The following AK5 variants were observed in gnomAD, a reference collection of about 807,000 sequenced individuals.
AK5 encodes adenylate kinase isoenzyme 5.
In AK5, 27 loss-of-function variants were observed where a neutral mutation model predicts 69.5. That is an observed-to-expected ratio of 0.39 (90% confidence interval 0.29 to 0.54). The LOEUF (loss-of-function observed/expected upper bound fraction) is 0.54, where lower values mean the gene tolerates loss of function less well. Ranked by LOEUF, AK5 falls within the 20% of genes least tolerant of loss-of-function variation. The pLI, the probability that AK5 is intolerant of heterozygous loss-of-function variation, is 0.71. For synonymous variants in AK5, 260 were observed against 244.4 expected (o/e 1.06, Z -0.60); for missense variants, 531 against 700.4 (o/e 0.76, Z 2.73).
intron 5 of AK5, among the ~76,000 whole-genome samples, chr1:77,299,718 T>C (rs1057015266): frequency 2.0e-5 from 3 of 152,180 alleles, no homozygotes; most frequent in Non-Finnish European, 4.4e-5. Flanking sequence ...CCATTCCATG[T>C]GATTCTTGAT....
At chr1:77,499,715 G>T (rs1208900986) in intron 10 of AK5, among the ~76,000 whole-genome samples, 2 of 152,088 alleles carry the variant, frequency 1.3e-5, no homozygotes, top group East Asian at 3.9e-4. Context: ...ATGTTCAGCA[G>T]TGAGAAACCT....
chr1:77,409,881 A>G (rs1649918982), intron 6 of AK5, among the ~76,000 whole-genome samples: 1 of 152,174 alleles, frequency 6.6e-6, no homozygotes, highest in African/African-American at 2.4e-5. Flanking sequence ...TGGGTTTTAC[A>G]TCTAAGACTT....
intron 6 of AK5, among the ~76,000 whole-genome samples, chr1:77,402,352 T>A (rs933400840): frequency 2.0e-5 from 3 of 152,054 alleles, no homozygotes; most frequent in African/African-American, 4.8e-5. Context: ...CGTGCAGGTT[T>A]GTTACATATG....
chr1:77,320,806 G>A (rs575627368), intron 5 of AK5, among the ~76,000 whole-genome samples: 1 of 152,274 alleles, frequency 6.6e-6, no homozygotes, highest in South Asian at 2.1e-4. Context: ...TGATGTTACT[G>A]ACATTAAAGT....
At chr1:77,282,430 C>T (rs1004814407) in intron 1 of AK5, 57 bp downstream of exon 1, 2 of 1,514,572 alleles carry the variant, frequency 1.3e-6, no homozygotes, top group South Asian at 1.3e-5. Context: ...CTCAGGGGTT[C>T]GGGTTGAGGC....
chr1:77,544,312 A>C (rs1659428430), intron 13 of AK5, among the ~76,000 whole-genome samples: 2 of 152,214 alleles, frequency 1.3e-5, no homozygotes. Context: ...TGTAGGCTTT[A>C]TAAATGCTGT....
chr1:77,545,057 C>T (rs1213655489), intron 13 of AK5, among the ~76,000 whole-genome samples: 2 of 152,120 alleles, frequency 1.3e-5, no homozygotes, highest in Non-Finnish European at 2.9e-5. Context: ...TATGAGACTG[C>T]CATTGTATAA....
chr1:77,320,171 G>A (rs1177502), intron 5 of AK5, among the ~76,000 whole-genome samples: 33,236 of 151,882 alleles, frequency 0.22, 3,789 homozygotes, highest in African/African-American at 0.25. Flanking sequence ...GAAAACCATC[G>A]GGTCTCATGA....
intron 6 of AK5, among the ~76,000 whole-genome samples, chr1:77,367,823 A>ATATATTATATGTTATATATAT: frequency 5.8e-5 from 2 of 34,422 alleles, no homozygotes; most frequent in Admixed American, 5.8e-4. Context: ...TATATATATT[A>ATATATTATATGTTATATATAT]TATATAATAT....
At chr1:77,520,862 G>T (rs912781423) in intron 11 of AK5, among the ~76,000 whole-genome samples, 8 of 152,232 alleles carry the variant, frequency 5.3e-5, no homozygotes, top group African/African-American at 1.4e-4. Context: ...AACCACACTT[G>T]CAATGGCCGC....
intron 13 of AK5, among the ~76,000 whole-genome samples, chr1:77,556,299 A>G (rs1158367507): frequency 6.6e-6 from 1 of 152,126 alleles, no homozygotes; most frequent in Non-Finnish European, 1.5e-5. Context: ...TTTCGTGATA[A>G]TCATTTCCTT....
In AK5 at chr1:77,331,614, C is replaced by T. The variant is rs12030818; in HGVS notation, c.700-8763C>T. Among the ~76,000 whole-genome samples the T allele has an allele frequency of 2.8e-3, 431 of 152,200 alleles. 15 individuals are homozygous for T. In the East Asian group the frequency reaches 0.078, roughly 28 times the overall value. On this transcript the variant is annotated intron_variant, in intron 5 of 13. Transcript: ENST00000354567. ...AATCCTTTTTATATATTGACAGATT[C>T]ATTTGCTATATTATTAGAATTTTTG... is the stretch of plus-strand genomic sequence containing the variant.
chr1:77,340,635 T>C, intron 6 of AK5, 67 bp downstream of exon 6: 1 of 1,460,522 alleles, frequency 6.8e-7, no homozygotes, highest in East Asian at 2.3e-5. Context: ...TTAGCCCATG[T>C]TCTCATGTAG....
chr1:77,364,892 G>C (rs1646924501), intron 6 of AK5, among the ~76,000 whole-genome samples: 1 of 152,122 alleles, frequency 6.6e-6, no homozygotes, highest in South Asian at 2.1e-4. Flanking sequence ...GCCCAGTAGT[G>C]GGACTGCTGG....
At chr1:77,518,864 C>A in intron 11 of AK5, 137 bp downstream of exon 11, 2 of 852,940 alleles carry the variant, frequency 2.3e-6, no homozygotes, top group Non-Finnish European at 3.6e-6. Context: ...TCCTTTGCAG[C>A]AATCCAGATG....
chr1:77,544,670 T>A (rs1659452900), intron 13 of AK5, among the ~76,000 whole-genome samples: 1 of 152,074 alleles, frequency 6.6e-6, no homozygotes, highest in Non-Finnish European at 1.5e-5. Context: ...CACTGGAAGG[T>A]CTTCAGGGGC....
Position 77,339,256 on chromosome 1 carries a change from G to A in AK5, c.700-1121G>A, listed in dbSNP as rs1463145409. 2.0e-5 allele frequency among the ~76,000 whole-genome samples: 3 copies of A among 152,318 alleles called. No homozygotes were observed. The East Asian group carries it at 5.8e-4, about 29-fold the overall frequency. ...ATGTGAAGAGGCAGTAAAACACTTT[G>A]GAGATTATTGCTTCAAACCACTATG... On this transcript the variant is annotated intron_variant, in intron 5 of 13. Transcript: ENST00000354567.
intron 8 of AK5, among the ~76,000 whole-genome samples, chr1:77,421,720 C>T (rs892672747): frequency 7.2e-5 from 11 of 152,176 alleles, no homozygotes; most frequent in African/African-American, 2.7e-4. Flanking sequence ...CCACAGGCTG[C>T]AGCACCTGCC....
Position 77,535,979 on chromosome 1 carries a change from T to C in AK5, c.1561T>C (p.Tyr521His). 6.2e-7 allele frequency: 1 copy of C among 1,613,222 alleles called. No homozygotes were observed. Among genetic ancestry groups the C allele is most frequent in the Non-Finnish European group, 8.5e-7 (1 of 1,179,862 alleles). ...TKTIAKRLEA[Y>H]YRASIPVIAY... is the part of the protein sequence containing the mutation. ...GACCATCGCCAAGCGCCTAGAAGCC[T>C]ACTACCGAGCGTCCATCCCCGTGAT... Residue 521 changes from tyrosine (Y) to histidine (H), a missense_variant, in exon 13 of 14, where the codon TAC (tyrosine) becomes CAC (histidine). Tyr to His is a moderately conservative substitution (Grantham distance 83, BLOSUM62 2). Transcript: ENST00000354567.
Sources: allele counts gnomAD v4.1 joint callset (sites outside exome capture counted in the v4.1 genomes callset), GRCh38; gene constraint gnomAD v4.1.1; transcripts MANE v1.5; gene names NCBI Gene and HGNC (gene_info 2026-07-23, HGNC 2026-07-21).